Variants in TMEM132E observed in about 807,000 individuals in gnomAD.
TMEM132E encodes the protein transmembrane protein 132E.
TMEM132E carries 49 observed loss-of-function variants against 78.5 expected under a neutral mutation model. That is an observed-to-expected ratio of 0.62 (90% confidence interval 0.50 to 0.79). TMEM132E has a LOEUF of 0.79. TMEM132E is among the 30% of genes least tolerant of loss of function. TMEM132E has a pLI of 0.00. For missense variants in TMEM132E, 1,403 were observed against 1,470.9 expected (o/e 0.95, Z 0.75); for synonymous variants, 715 against 670.6 (o/e 1.07, Z -1.02).
chr17:34,638,609 G>T lies in TMEM132E; in HGVS notation c.*377G>T, dbSNP rs375394435. Reference sequence around the variant, plus strand: ...ACGCTGTGTCCCGGGCCCGCCTCCCGTCCCCCGTGTCGTCCCCCTGTGCAG... The same window carrying T: ...ACGCTGTGTCCCGGGCCCGCCTCCCTTCCCCCGTGTCGTCCCCCTGTGCAG... On this transcript the variant is annotated 3_prime_UTR_variant, in exon 9 of 9. Coordinates refer to ENST00000631683, the MANE Select transcript of TMEM132E (RefSeq NM_001304438.2). 9.9e-6 allele frequency: 2 copies of T among 202,912 alleles called. No individual in the cohort carries two copies. Among genetic ancestry groups the T allele is most frequent in the African/African-American group, 2.3e-5 (1 of 43,318 alleles). 12.6% of individuals were successfully genotyped at this position (202,912 alleles called of 1,614,324 possible).
intron 8 of TMEM132E, among the ~76,000 whole-genome samples, chr17:34,636,595 C>T (rs914164178): frequency 6.6e-6 from 1 of 152,062 alleles, no homozygotes; most frequent in Non-Finnish European, 1.5e-5. Context: ...AGGTGAGAGT[C>T]CTGGGGAGTG....
At chr17:34,617,499 T>TTGAATGAATGAA (rs35356399) in intron 1 of TMEM132E, among the ~76,000 whole-genome samples, 50 of 152,170 alleles carry the variant, frequency 3.3e-4, no homozygotes, top group African/African-American at 8.2e-4. Context: ...CCAATAAATG[T>TTGAATGAATGAA]TGAATGAATG....
At position 34,638,017 on chromosome 17, in the gene TMEM132E, A is replaced by G. The variant is rs1446883833; in HGVS notation, c.3010A>G (p.Ser1004Gly). ...SARDQAEDPASSPTSKRKRVK... is the reference protein window; with the variant it reads ...SARDQAEDPAGSPTSKRKRVK... ...CCGAGACCAAGCCGAGGACCCCGCC[A>G]GCTCGCCCACCTCCAAGCGCAAGCG... is the stretch of plus-strand genomic sequence containing the variant. Residue 1004 changes from serine to glycine, a missense_variant, in exon 9 of 9, where the codon AGC becomes GGC. By Grantham distance (56) the Ser-to-Gly change is moderately conservative (BLOSUM62 0). Around this residue, in one of 3 missense-constraint regions of TMEM132E, gnomAD observed 888 missense variants for 952.8 expected, o/e 0.93. Transcript: ENST00000631683. 6.3e-7 allele frequency: 1 copy of G among 1,577,618 alleles called. No homozygotes were observed.
intron 1 of TMEM132E, among the ~76,000 whole-genome samples, chr17:34,616,298 G>A (rs1906777374): frequency 6.6e-6 from 1 of 152,180 alleles, no homozygotes; most frequent in African/African-American, 2.4e-5. Context: ...TTGGGTTCCA[G>A]CCAAGCATGG....
chr17:34,597,631 T>G lies in TMEM132E; in HGVS notation c.67+16488T>G, dbSNP rs1447785320. Among the ~76,000 whole-genome samples, 4 of 152,194 alleles carry G rather than the reference T, an allele frequency of 2.6e-5. No homozygotes were observed. The East Asian group carries it at 7.7e-4, about 29-fold the overall frequency. ...CATCCAGCCCAAGGCTGACACCCCA[T>G]GGAGGTGAACCCAGCCTCAGCTCCT... On this transcript the variant is annotated intron_variant, in intron 1 of 8. Transcript: ENST00000631683.
In TMEM132E at chr17:34,580,953, C is replaced by G. The variant is rs1905449535; in HGVS notation, c.-124C>G. On this transcript the variant is annotated 5_prime_UTR_variant, in exon 1 of 9. Coordinates refer to ENST00000631683, the MANE Select transcript of TMEM132E (RefSeq NM_001304438.2). Reference sequence around the variant, plus strand: ...GTCCCCGAATTGCACTCTCTGGTCCCGGAGCTGCATCTGAGACAGCCGGGC... The same window carrying G: ...GTCCCCGAATTGCACTCTCTGGTCCGGGAGCTGCATCTGAGACAGCCGGGC... 1.5e-6 allele frequency: 1 copy of G among 677,676 alleles called. No individual in the cohort carries two copies. The highest frequency in any genetic ancestry group is 1.9e-5 in the African/African-American group (1 of 53,412). The allele number at this position is 677,676 out of a possible 1,614,324, so 42.0% of individuals were successfully genotyped here. A position where few individuals can be genotyped will look rare whatever the true frequency, so the allele number is the denominator to read the frequency against.
intron 1 of TMEM132E, among the ~76,000 whole-genome samples, chr17:34,586,932 C>A (rs1905700980): frequency 6.6e-6 from 1 of 152,192 alleles, no homozygotes; most frequent in Non-Finnish European, 1.5e-5. Context: ...CTGCTGCATT[C>A]TCACCCACAC....
intron 4 of TMEM132E, 77 bp downstream of exon 4, chr17:34,629,281 C>T: frequency 6.8e-7 from 1 of 1,473,966 alleles, no homozygotes; most frequent in Non-Finnish European, 9.2e-7. Flanking sequence ...AGAATGTGAA[C>T]CACTGAGTAT....
intron 1 of TMEM132E, among the ~76,000 whole-genome samples, chr17:34,595,249 GTCA>G (rs1448928329): frequency 6.6e-5 from 10 of 152,224 alleles, no homozygotes; most frequent in Non-Finnish European, 1.3e-4. Context: ...CCTGATAGGG[GTCA>G]CTTTTGTTCC....
intron 8 of TMEM132E, 22 bp from the exon 9 acceptor site, chr17:34,637,155 C>CCTCCTT (rs1567722761): frequency 3.8e-6 from 6 of 1,578,510 alleles, no homozygotes; most frequent in South Asian, 2.3e-5. Flanking sequence ...ACTCCTATCC[C>CCTCCTT]CTCCTTCTCC....
chr17:34,581,505 C>A (rs1428062195), intron 1 of TMEM132E, among the ~76,000 whole-genome samples: 2 of 152,170 alleles, frequency 1.3e-5, no homozygotes, highest in East Asian at 1.9e-4. Context: ...TCTCTCCCTG[C>A]AGCCGGCCGG....
chr17:34,581,022 G>A lies in TMEM132E; in HGVS notation c.-55G>A. 1.4e-6 allele frequency: 2 copies of A among 1,466,836 alleles called. No homozygotes were observed. Among genetic ancestry groups the A allele is most frequent in the East Asian group, 2.6e-5 (1 of 38,694 alleles). 90.9% of individuals were successfully genotyped at this position (1,466,836 alleles called of 1,614,324 possible). ...TGGATGTGACCAAGCCCAGCCTGGG[G>A]CCAAGTCGTCGTCGACTGTTGCTCT... is the stretch of plus-strand genomic sequence containing the variant. On this transcript the variant is annotated 5_prime_UTR_variant, in exon 1 of 9. Coordinates refer to ENST00000631683, the MANE Select transcript of TMEM132E (RefSeq NM_001304438.2).
intron 7 of TMEM132E, 145 bp downstream of exon 7, chr17:34,635,232 G>A (rs1420031614): frequency 1.1e-6 from 1 of 952,244 alleles, no homozygotes; most frequent in Non-Finnish European, 1.5e-6. Context: ...CCAAGGTCAG[G>A]CTCTTTTAGC....
chr17:34,592,849 C>T (rs1905922269), intron 1 of TMEM132E, among the ~76,000 whole-genome samples: 1 of 152,216 alleles, frequency 6.6e-6, no homozygotes, highest in Non-Finnish European at 1.5e-5. Flanking sequence ...CACATTCCCA[C>T]CTCTGGTGTT....
intron 1 of TMEM132E, among the ~76,000 whole-genome samples, chr17:34,594,702 G>T (rs1905995886): frequency 6.6e-6 from 1 of 152,186 alleles, no homozygotes; most frequent in African/African-American, 2.4e-5. Context: ...TGATCCTCCT[G>T]CCTCAGCCTC....
At chr17:34,633,906 T>C (rs77426787) in intron 6 of TMEM132E, among the ~76,000 whole-genome samples, 166 of 152,350 alleles carry the variant, frequency 1.1e-3, no homozygotes, top group African/African-American at 3.5e-3. Context: ...CAGCCTGGTT[T>C]AAGTCCTGCC....
chr17:34,599,508 G>A (rs930137245), intron 1 of TMEM132E, among the ~76,000 whole-genome samples: 2 of 152,200 alleles, frequency 1.3e-5, no homozygotes, highest in Admixed American at 1.3e-4. Context: ...AGTGGGTGGA[G>A]GGGAGAGTAG....
At chr17:34,617,463 A>C (rs1906820289) in intron 1 of TMEM132E, among the ~76,000 whole-genome samples, 1 of 152,226 alleles carries the variant, frequency 6.6e-6, no homozygotes. Context: ...ACAGGTGAGC[A>C]CTTCCCTCCT....
At chr17:34,619,010 G>A (rs2142073341) in intron 1 of TMEM132E, among the ~76,000 whole-genome samples, 1 of 152,286 alleles carries the variant, frequency 6.6e-6, no homozygotes, top group East Asian at 1.9e-4. Context: ...TGGGTTGGGG[G>A]TGTTTCCCCA....
Sources: gnomAD v4.1 joint callset for allele counts (sites outside exome capture counted in the v4.1 genomes callset) on GRCh38, gnomAD v4.1.1 for gene constraint, gnomAD v4.1.1 regional missense constraint, MANE v1.5 for transcripts, NCBI Gene and HGNC (gene_info 2026-07-23, HGNC 2026-07-21) for gene names.